PPP2R2C: variants seen among roughly 807,000 people sequenced by gnomAD.
The protein encoded by PPP2R2C is protein phosphatase 2, regulatory subunit B, gamma.
A neutral mutation model predicts 45.3 loss-of-function variants in PPP2R2C; 10 were observed. The observed-to-expected ratio is 0.22, with a 90% CI of 0.14 to 0.37. The LOEUF (loss-of-function observed/expected upper bound fraction) is 0.37. Among genes scored for constraint, PPP2R2C ranks in the 10% least tolerant of loss-of-function variants. The pLI, the probability that PPP2R2C is intolerant of heterozygous loss-of-function variation, is 1.00. For synonymous variants in PPP2R2C, 257 were observed against 245.4 expected, an observed-to-expected ratio of 1.05 and a Z score of -0.44; for missense variants, 308 against 619.7, an observed-to-expected ratio of 0.50 and a Z score of 5.34.
intron 2 of PPP2R2C, among the ~76,000 whole-genome samples, chr4:6,479,149 A>G (rs1358231047): frequency 6.6e-6 from 1 of 152,196 alleles, no homozygotes; most frequent in Non-Finnish European, 1.5e-5. Flanking sequence ...TCAGCTCCTA[A>G]GTGGCAATCC....
At chr4:6,342,203 G>C (rs1322341539) in intron 6 of PPP2R2C, among the ~76,000 whole-genome samples, 1 of 151,394 alleles carries the variant, frequency 6.6e-6, no homozygotes, top group Non-Finnish European at 1.5e-5. Flanking sequence ...AATCCACGTA[G>C]ACATCAGTCT....
In PPP2R2C at chr4:6,333,636, T is replaced by C. The variant is rs368801587; in HGVS notation, c.886A>G (p.Met296Val). The change falls in exon 7 of 9, where the codon ATG (methionine) becomes GTG (valine). Residue 296 changes from methionine (M) to valine (V), a missense_variant. By Grantham distance (21) the Met-to-Val change is conservative. Coordinates refer to ENST00000382599, the MANE Select transcript of PPP2R2C (RefSeq NM_020416.4). ...DVKFSHSGRYMLTRDYLTVKV... is the reference protein window; with the variant it reads ...DVKFSHSGRYVLTRDYLTVKV... The stretch of plus-strand genomic sequence containing the variant: ...ACTGTAAGGTAGTCCCGGGTGAGCA[T>C]GTAGCGGCCGCTGTGGCTGAACTTC... 109 of 1,613,978 alleles carry C rather than the reference T, an allele frequency of 6.8e-5. No homozygotes were observed. The highest frequency in any genetic ancestry group is 9.1e-5 in the Non-Finnish European group (107 of 1,180,008).
chr4:6,348,928 G>T, intron 5 of PPP2R2C: 3 of 879,462 alleles, frequency 3.4e-6, no homozygotes, highest in Non-Finnish European at 4.1e-6. Context: ...ATCCCTGACT[G>T]TTACACTAGA....
intron 1 of PPP2R2C, among the ~76,000 whole-genome samples, chr4:6,542,629 G>A (rs1724835763): frequency 6.6e-6 from 1 of 150,406 alleles, no homozygotes; most frequent in South Asian, 2.1e-4. Flanking sequence ...GCTTGAACCT[G>A]GGAGGCAAAG....
intron 2 of PPP2R2C, among the ~76,000 whole-genome samples, chr4:6,532,439 C>A (rs1208366643): frequency 6.6e-6 from 1 of 152,232 alleles, no homozygotes; most frequent in African/African-American, 2.4e-5. Flanking sequence ...CCCCCAATCC[C>A]CATTTTGGGC....
At chr4:6,493,185 T>C (rs943052991) in intron 2 of PPP2R2C, among the ~76,000 whole-genome samples, 1 of 152,014 alleles carries the variant, frequency 6.6e-6, no homozygotes, top group African/African-American at 2.4e-5. Flanking sequence ...CTACCTGCAA[T>C]TGCAACCAGC....
At chr4:6,524,578 T>C (rs1042458931) in intron 2 of PPP2R2C, among the ~76,000 whole-genome samples, 2 of 152,234 alleles carry the variant, frequency 1.3e-5, no homozygotes, top group African/African-American at 2.4e-5. Context: ...ACAGCTTGAC[T>C]GGTTACAGCT....
intron 2 of PPP2R2C, among the ~76,000 whole-genome samples, chr4:6,499,746 G>A (rs549958352): frequency 4.6e-4 from 68 of 147,834 alleles, no homozygotes; most frequent in Admixed American, 1.3e-3. Context: ...TGAATAAACA[G>A]AATGGACCAT....
intron 1 of PPP2R2C, among the ~76,000 whole-genome samples, chr4:6,418,554 G>T (rs1718750663): frequency 6.6e-6 from 1 of 152,208 alleles, no homozygotes; most frequent in Admixed American, 6.5e-5. Context: ...CTGCGCTAGG[G>T]TAGGGTGGGA....
chr4:6,425,967 TCAGTACCGGGCCAGGG>T (rs1188560770), intron 1 of PPP2R2C, among the ~76,000 whole-genome samples: 1 of 152,054 alleles, frequency 6.6e-6, no homozygotes, highest in Non-Finnish European at 1.5e-5. Context: ...TCCAGGTCCA[TCAGTACCGGGCCAGGG>T]CAGGGGCGGG....
chr4:6,347,811 TG>T, intron 6 of PPP2R2C, 34 bp downstream of exon 6: 5 of 519,130 alleles, frequency 9.6e-6, no homozygotes, highest in East Asian at 6.1e-5. Context: ...GCCTGCCCAA[TG>T]CACAGCCCCC....
At position 6,528,255 on chromosome 4, in the gene PPP2R2C, C is replaced by T. The variant is rs542146573; in HGVS notation, c.49+7016G>A. On this transcript the variant is annotated intron_variant, in intron 2 of 9. Transcript: ENST00000506140. The stretch of plus-strand genomic sequence containing the variant: ...TGGCTCTCCGGAAGGCCAGCTTGTG[C>T]GGGGAGCTGGGGTGAAGGGTGTTGG... 5.3e-5 allele frequency among the ~76,000 whole-genome samples: 8 copies of T among 152,338 alleles called. No homozygotes were observed. The South Asian group carries it at 8.3e-4, about 16-fold the overall frequency.
upstream of PPP2R2C, among the ~76,000 whole-genome samples, chr4:6,475,675 C>T (rs1044622996): frequency 2.0e-5 from 3 of 152,202 alleles, no homozygotes; most frequent in African/African-American, 2.4e-5. Flanking sequence ...CACCACCTTT[C>T]GCTGCCACTT....
At chr4:6,477,125 C>T (rs1365551620), upstream of PPP2R2C, among the ~76,000 whole-genome samples, 17 of 151,998 alleles carry the variant, frequency 1.1e-4, no homozygotes, top group Non-Finnish European at 1.5e-4. Context: ...CATGGTGGTG[C>T]ATGCTTGTGG....
At chr4:6,498,460 A>G (rs1031128859) in intron 2 of PPP2R2C, among the ~76,000 whole-genome samples, 2 of 152,222 alleles carry the variant, frequency 1.3e-5, no homozygotes. Flanking sequence ...ATGATGATAC[A>G]GTCTGTTGTA....
intron 1 of PPP2R2C, among the ~76,000 whole-genome samples, chr4:6,547,951 C>G (rs1326069232): frequency 6.6e-6 from 1 of 152,212 alleles, no homozygotes; most frequent in African/African-American, 2.4e-5. Context: ...GGCACGGTAG[C>G]TCACACCTGT....
intron 4 of PPP2R2C, among the ~76,000 whole-genome samples, chr4:6,374,680 C>G (rs1468847435): frequency 6.6e-6 from 1 of 152,174 alleles, no homozygotes; most frequent in Non-Finnish European, 1.5e-5. Context: ...CCGCACTGAG[C>G]GCCAGTGTGA....
At chr4:6,494,780 T>TGG (rs2108788893) in intron 2 of PPP2R2C, among the ~76,000 whole-genome samples, 1 of 152,350 alleles carries the variant, frequency 6.6e-6, no homozygotes, top group East Asian at 1.9e-4. Flanking sequence ...TCCTGGAGTG[T>TGG]GGCTGGAGAG....
intron 4 of PPP2R2C, 56 bp downstream of exon 4, chr4:6,375,763 A>T (rs1343116650): frequency 7.2e-7 from 1 of 1,397,132 alleles, no homozygotes; most frequent in African/African-American, 1.5e-5. Context: ...TCCAGCCCTA[A>T]AATCCTCAGG....
Sources: allele counts gnomAD v4.1 joint callset (sites outside exome capture counted in the v4.1 genomes callset), GRCh38; gene constraint gnomAD v4.1.1; transcripts MANE v1.5; gene names NCBI Gene and HGNC (gene_info 2026-07-23, HGNC 2026-07-21).